Variants in MAPK8IP3 observed in about 807,000 individuals in gnomAD.
The protein encoded by MAPK8IP3 is mitogen-activated protein kinase 8 interacting protein 3.
In MAPK8IP3, 49 loss-of-function variants were observed where a neutral mutation model predicts 157.8. The ratio of observed to expected loss-of-function variants is 0.31; its 90% CI spans 0.25 to 0.39. MAPK8IP3 has a LOEUF of 0.39. MAPK8IP3 is among the 10% of genes least tolerant of loss of function. The pLI, the probability that MAPK8IP3 is intolerant of heterozygous loss-of-function variation, is 1.00. For missense variants in MAPK8IP3, 1,478 were observed against 1,889.4 expected, an observed-to-expected ratio of 0.78 and a Z score of 4.04; for synonymous variants, 897 against 777.7, an observed-to-expected ratio of 1.15 and a Z score of -2.55.
Position 1,766,315 on chromosome 16 carries a change from G to A in MAPK8IP3, c.2725G>A (p.Glu909Lys), listed in dbSNP as rs764259006. Residue 909 changes from glutamate to lysine, a missense_variant, in exon 22 of 32, where the codon GAG becomes AAG. Transcript: ENST00000610761. ...ATEVPDPGPS[E>K]PETATLRPGP... Reference sequence around the variant, plus strand: ...GGAGGTGCCAGACCCTGGGCCCAGCGAGCCAGAGACAGCCACATTGCGGCC... The same window carrying A: ...GGAGGTGCCAGACCCTGGGCCCAGCAAGCCAGAGACAGCCACATTGCGGCC... 25 of 1,612,586 alleles carry A rather than the reference G, an allele frequency of 1.6e-5. No homozygotes were observed. Among genetic ancestry groups the A allele is most frequent in the African/African-American group, 8.0e-5 (6 of 74,932 alleles).
intron 19 of MAPK8IP3, 61 bp from the exon 20 acceptor site, chr16:1,764,952 T>C: frequency 2.6e-6 from 4 of 1,533,570 alleles, no homozygotes; most frequent in East Asian, 2.3e-5. Flanking sequence ...CCCATGGCCC[T>C]GTGCTGCCAC....
chr16:1,731,402 C>T (rs561668603), intron 4 of MAPK8IP3, among the ~76,000 whole-genome samples: 80 of 152,336 alleles, frequency 5.3e-4, no homozygotes, highest in African/African-American at 1.8e-3. Flanking sequence ...TAGGGAGAAA[C>T]GGGAGTCCCT....
intron 1 of MAPK8IP3, chr16:1,707,615 GA>G (rs1363110409): frequency 6.6e-6 from 1 of 152,236 alleles, no homozygotes; most frequent in Admixed American, 6.5e-5. Flanking sequence ...TGTGGGCCCA[GA>G]ACCTCGCCCT....
At chr16:1,737,245 A>ATCGT (rs1555448890) in intron 4 of MAPK8IP3, among the ~76,000 whole-genome samples, 1 of 59,892 alleles carries the variant, frequency 1.7e-5, no homozygotes, top group African/African-American at 8.7e-5. Context: ...CATCCGTGTG[A>ATCGT]CCGTGTGAGC....
intron 1 of MAPK8IP3, among the ~76,000 whole-genome samples, chr16:1,719,138 T>A (rs1393197781): frequency 6.6e-6 from 1 of 152,166 alleles, no homozygotes; most frequent in African/African-American, 2.4e-5. Context: ...TGTGCCCAGC[T>A]AATTATTTTT....
chr16:1,756,123 C>T (rs1051034219), intron 8 of MAPK8IP3, among the ~76,000 whole-genome samples: 1 of 152,146 alleles, frequency 6.6e-6, no homozygotes. Flanking sequence ...AGGGAGCAGT[C>T]GGGCAGTCAC....
intron 12 of MAPK8IP3, 51 bp downstream of exon 12, chr16:1,760,583 C>T: frequency 1.3e-6 from 2 of 1,570,036 alleles, no homozygotes; most frequent in Non-Finnish European, 8.7e-7. Flanking sequence ...GGCCTCAGGG[C>T]TCTGGAGTGG....
At chr16:1,754,613 A>G (rs189372481) in intron 8 of MAPK8IP3, among the ~76,000 whole-genome samples, 1 of 152,180 alleles carries the variant, frequency 6.6e-6, no homozygotes, top group East Asian at 1.9e-4. Context: ...CTCTACTAAA[A>G]ATACAAAAAT....
intron 4 of MAPK8IP3, among the ~76,000 whole-genome samples, chr16:1,738,956 G>A (rs567478759): frequency 6.9e-6 from 1 of 145,472 alleles, no homozygotes; most frequent in East Asian, 2.1e-4. Context: ...CCACCCATGT[G>A]AGCATCTGTG....
intron 4 of MAPK8IP3, among the ~76,000 whole-genome samples, chr16:1,733,958 G>T (rs1351306441): frequency 1.3e-5 from 2 of 152,270 alleles, no homozygotes; most frequent in African/African-American, 4.8e-5. Flanking sequence ...AACGCCAGCA[G>T]CAGTGGCTGT....
rs139594337 is a variant in MAPK8IP3 at position 1,734,604 on chromosome 16, CAG to C, written c.602+5027_602+5028del. 5.7e-3 allele frequency among the ~76,000 whole-genome samples: 867 copies of C among 152,344 alleles called. 16 individuals carry two copies. The highest frequency in any genetic ancestry group is 0.02 in the African/African-American group (812 of 41,582). On this transcript the variant is annotated intron_variant, in intron 4 of 31. Transcript: ENST00000610761. ...TCCCGAGTGCTTGCCTTTGTGGGGT[CAG>C]GGGTGCTGGGACAGGCCTTGGTGAT...
rs1241933665 is a variant in MAPK8IP3 at position 1,710,630 on chromosome 16, G to T, written c.318+3973G>T. ...TCTTTTTTTCTCCTCTGCGCCAGAC[G>T]ATCTGCAGGAAGTCTTTTCCATCAA... On this transcript the variant is annotated intron_variant, in intron 1 of 31. Coordinates refer to ENST00000610761, the MANE Select transcript of MAPK8IP3 (RefSeq NM_001318852.2). The surrounding 1 kb of genome is among the most constrained non-coding windows in gnomAD (Gnocchi z 4.1). Among the ~76,000 whole-genome samples the T allele has an allele frequency of 6.6e-6, 1 of 152,132 alleles. No individual in the cohort carries two copies. Among genetic ancestry groups the T allele is most frequent in the African/African-American group, 2.4e-5 (1 of 41,436 alleles).
rs1327230023 is a variant in MAPK8IP3, at chr16:1,742,176, G to A, written c.603-1156G>A. On this transcript the variant is annotated intron_variant, in intron 4 of 31. Transcript: ENST00000610761. The surrounding 1 kb of genome is among the most constrained non-coding windows in gnomAD (Gnocchi z 5.0). ...ACCACGTGGCCTGCCCCCCAGACCT[G>A]AGGAGGTGAGGAGCCAGCCTGGCCT... is the stretch of plus-strand genomic sequence containing the variant. Among the ~76,000 whole-genome samples, 1 of 152,192 alleles carries A rather than the reference G, an allele frequency of 6.6e-6. No homozygotes were observed. The highest frequency in any genetic ancestry group is 6.5e-5 in the Admixed American group (1 of 15,288).
intron 3 of MAPK8IP3, 54 bp from the exon 4 acceptor site, chr16:1,729,433 G>C (rs1377546686): frequency 5.3e-6 from 8 of 1,520,284 alleles, no homozygotes; most frequent in Non-Finnish European, 6.3e-6. Flanking sequence ...AGGTTAGAGG[G>C]GACGGAGACA....
chr16:1,766,081 C>T lies in MAPK8IP3; in HGVS notation c.2568C>T (p.Cys856=), dbSNP rs994787330. Residue 856 remains cysteine, a synonymous_variant, in exon 21 of 32, where the codon TGC becomes TGT. Coordinates refer to ENST00000610761, the MANE Select transcript of MAPK8IP3 (RefSeq NM_001318852.2). ...GITLVGCATR[C]NVPRSNCSSR... ...CCCTGGTGGGCTGTGCCACCCGCTG[C>T]AACGTGCCGCGGAGCAACTGCTCCT... is the stretch of plus-strand genomic sequence containing the variant. 5.0e-6 allele frequency: 8 copies of T among 1,612,716 alleles called. No individual in the cohort carries two copies. In the Admixed American group the frequency reaches 1.0e-4, roughly 20 times the overall value.
intron 4 of MAPK8IP3, among the ~76,000 whole-genome samples, chr16:1,735,837 G>C (rs1350615872): frequency 1.4e-5 from 2 of 138,846 alleles, no homozygotes; most frequent in East Asian, 4.4e-4. Flanking sequence ...CCGTGTGAGA[G>C]CGTGACCGCC....
Position 1,758,164 on chromosome 16 carries a change from G to C in MAPK8IP3, c.1228+5G>C. On this transcript the variant is annotated splice_donor_5th_base_variant and intron_variant, in intron 9 of 31. Transcript: ENST00000610761. ...ACTCGCCAGGGGAGTTCTCAGGTGA[G>C]TATCTCACTCTCCTGTCTGTCTCCC... The C allele has an allele frequency of 6.2e-7, 1 of 1,613,554 alleles. No individual in the cohort carries two copies. Among genetic ancestry groups the C allele is most frequent in the Non-Finnish European group, 8.5e-7 (1 of 1,179,728 alleles).
At chr16:1,765,922 T>C (rs749960344) in intron 20 of MAPK8IP3, 38 bp from the exon 21 acceptor site, 144 of 1,565,692 alleles carry the variant, frequency 9.2e-5, no homozygotes, top group Non-Finnish European at 7.6e-5. Context: ...CAGTAGTGGG[T>C]TCCCCCGCAC....
At chr16:1,760,098 C>A in intron 11 of MAPK8IP3, 83 bp downstream of exon 11, 2 of 1,477,198 alleles carry the variant, frequency 1.4e-6, no homozygotes. Flanking sequence ...CCAGAGGGCG[C>A]CTTGGGGAGC....
Sources: gnomAD v4.1 joint callset for allele counts (sites outside exome capture counted in the v4.1 genomes callset) on GRCh38, gnomAD v4.1.1 for gene constraint, Gnocchi (gnomAD v3.1) non-coding constraint, MANE v1.5 for transcripts, NCBI Gene and HGNC (gene_info 2026-07-23, HGNC 2026-07-21) for gene names.